The following CIDEB variants were observed in gnomAD, a reference collection of about 807,000 sequenced individuals.
The protein encoded by CIDEB is lipid transferase CIDEB.
Under a neutral mutation model 22.4 loss-of-function variants are expected in CIDEB, and 27 were observed. The observed-to-expected ratio is 1.21, with a 90% CI of 0.89 to 1.66. CIDEB has a LOEUF of 1.66. CIDEB is among the 40% of genes most tolerant of loss of function. CIDEB has a pLI of 0.00. For missense variants in CIDEB, 289 were observed against 268.7 expected (o/e 1.08, Z -0.53); for synonymous variants, 103 against 109.5 (o/e 0.94, Z 0.37).
upstream of CIDEB, chr14:24,308,028 G>A: frequency 1.5e-6 from 1 of 651,260 alleles, no homozygotes; most frequent in East Asian, 2.8e-5. Flanking sequence ...GAAGGGCAAA[G>A]TCCAAGGGGA....
chr14:24,307,243 G>T, intron 2 of CIDEB, 128 bp downstream of exon 2: 2 of 1,053,960 alleles, frequency 1.9e-6, no homozygotes, highest in Non-Finnish European at 2.8e-6. Flanking sequence ...CCACTCCGCT[G>T]CTTTTAGCCC....
At chr14:24,310,402 T>C (rs1252641367), upstream of CIDEB, 1 of 635,396 alleles carries the variant, frequency 1.6e-6, no homozygotes, top group Non-Finnish European at 2.8e-6. Flanking sequence ...TTTATGCCTG[T>C]TTACCACTGA....
intron 4 of CIDEB, 89 bp downstream of exon 4, chr14:24,305,858 C>T: frequency 6.3e-7 from 1 of 1,584,362 alleles, no homozygotes; most frequent in Non-Finnish European, 8.6e-7. Flanking sequence ...CAAGCAAGAG[C>T]TAACTAGGGG....
chr14:24,306,519 A>T lies in CIDEB; in HGVS notation c.191T>A (p.Leu64Ter). 6.2e-7 allele frequency: 1 copy of T among 1,614,192 alleles called. No individual in the cohort carries two copies. Among genetic ancestry groups the T allele is most frequent in the Non-Finnish European group, 8.5e-7 (1 of 1,180,028 alleles). Reference sequence around the variant, plus strand: ...CACTCCATTCAGCAGTAGGGTCTCCAATGCCTGCCCAATGGCAAGAAGCAA... The same window carrying T: ...CACTCCATTCAGCAGTAGGGTCTCCTATGCCTGCCCAATGGCAAGAAGCAA... ...ATRQELLAKA[L>*]ETLLLNGVLT... is the part of the protein sequence containing the mutation. Residue 64 changes from leucine (L) to a stop codon, truncating the protein, a stop_gained, in exon 3 of 5, where the codon TTG becomes TAG. Coordinates refer to ENST00000554411, the MANE Select transcript of CIDEB (RefSeq NM_001393339.1). LOFTEE classifies it high-confidence loss of function.
chr14:24,311,183 G>A (rs754503961), upstream of CIDEB: 2 of 1,607,438 alleles, frequency 1.2e-6, no homozygotes, highest in Non-Finnish European at 1.7e-6. Flanking sequence ...TGTGCCACCC[G>A]TCGCCGGTCC....
intron 1 of CIDEB, 59 bp from the exon 2 acceptor site, chr14:24,307,574 G>A: frequency 6.4e-7 from 1 of 1,574,048 alleles, no homozygotes; most frequent in African/African-American, 1.3e-5. Context: ...AGTGTAAAGG[G>A]CATGATGAGG....
At chr14:24,310,512 C>G (rs892830487), upstream of CIDEB, 6 of 838,772 alleles carry the variant, frequency 7.2e-6, no homozygotes, top group African/African-American at 3.4e-5. Flanking sequence ...TCTGGGTCCT[C>G]GTGGAAGTCA....
chr14:24,307,840 G>C lies in CIDEB; in HGVS notation c.19C>G (p.Leu7Val). Reference sequence around the variant, plus strand: ...CACCTGAGTAAGTCACTGGGGTTCAGAGCTGAGAGGTACTCCATGGTGGAC... The same window carrying C: ...CACCTGAGTAAGTCACTGGGGTTCACAGCTGAGAGGTACTCCATGGTGGAC... MEYLSA[L>V]NPSDLLRSVS... The change falls in exon 1 of 5, where the codon CTG becomes GTG. Residue 7 changes from leucine to valine, a missense_variant. Physicochemically the swap from Leu to Val is conservative, Grantham distance 32 (BLOSUM62 1). Coordinates refer to ENST00000554411, the MANE Select transcript of CIDEB (RefSeq NM_001393339.1). 6.3e-7 allele frequency: 1 copy of C among 1,595,266 alleles called. No individual in the cohort carries two copies. The highest frequency in any genetic ancestry group is 8.5e-7 in the Non-Finnish European group (1 of 1,170,570).
chr14:24,307,805 G>C lies in CIDEB; in HGVS notation c.41+13C>G. 6.3e-7 allele frequency: 1 copy of C among 1,591,094 alleles called. No individual in the cohort carries two copies. Among genetic ancestry groups the C allele is most frequent in the Non-Finnish European group, 8.6e-7 (1 of 1,168,018 alleles). ...CCTAAAGGTGGAGGGTAGAGCGGAG[G>C]GTTAGCAGTCACCTGAGTAAGTCAC... On this transcript the variant is annotated intron_variant, in intron 1 of 4. Coordinates refer to ENST00000554411, the MANE Select transcript of CIDEB (RefSeq NM_001393339.1).
At chr14:24,311,177 C>A (rs765948741), upstream of CIDEB, 5 of 1,606,474 alleles carry the variant, frequency 3.1e-6, no homozygotes, top group African/African-American at 5.4e-5. Flanking sequence ...GCCAGCTGTG[C>A]CACCCGTCGC....
At position 24,307,478 on chromosome 14, in the gene CIDEB, C is replaced by T. The variant is rs375310375; in HGVS notation, c.79G>A (p.Val27Ile). 3.7e-6 allele frequency: 6 copies of T among 1,613,954 alleles called. No homozygotes were observed. The African/African-American group carries it at 5.3e-5, about 14-fold the overall frequency. The stretch of plus-strand genomic sequence containing the variant: ...TGGGGTGGTGGAGCTGAGGTCCAGA[C>T]CCTCCGTCCAAACTCCGAGCTTATA... ...SNISSEFGRR[V>I]WTSAPPPQRP... The change falls in exon 2 of 5, where the codon GTC (valine) becomes ATC (isoleucine). Residue 27 changes from valine to isoleucine, a missense_variant. Physicochemically the swap from Val to Ile is conservative, Grantham distance 29. Coordinates refer to ENST00000554411, the MANE Select transcript of CIDEB (RefSeq NM_001393339.1).
chr14:24,306,601 T>C (rs2041516679), intron 2 of CIDEB, 78 bp from the exon 3 acceptor site: 1 of 1,590,776 alleles, frequency 6.3e-7, no homozygotes, highest in Non-Finnish European at 8.6e-7. Context: ...CATCCATCAG[T>C]TGGCTCTAGA....
rs950306794 is a variant in CIDEB, at chr14:24,305,678, C to T, written c.615G>A (p.Glu205=). 1.9e-6 allele frequency: 3 copies of T among 1,614,092 alleles called. No individual in the cohort carries two copies. Among genetic ancestry groups the T allele is most frequent in the Non-Finnish European group, 2.5e-6 (3 of 1,180,046 alleles). Reference sequence around the variant, plus strand: ...CCTTCTGCTGCCACTGCTCAGCCCCCTCCACTGCATGACGAAGGGTGGAGG... The same window carrying T: ...CCTTCTGCTGCCACTGCTCAGCCCCTTCCACTGCATGACGAAGGGTGGAGG... The part of the protein sequence containing the change: ...GISSTLRHAV[E]GAEQWQQKGR... The change falls in exon 5 of 5, where the codon GAG becomes GAA. Residue 205 remains glutamate (E), a synonymous_variant. Transcript: ENST00000554411.
upstream of CIDEB, chr14:24,311,241 C>A (rs552807473): frequency 4.4e-5 from 70 of 1,608,086 alleles, no homozygotes; most frequent in Non-Finnish European, 5.9e-5. Context: ...TTTCGTGCTT[C>A]CTTTCGGGCT....
At chr14:24,309,176 C>T (rs980172702), upstream of CIDEB, 5 of 152,272 alleles carry the variant, frequency 3.3e-5, no homozygotes, top group African/African-American at 1.2e-4. Context: ...CAGAGGTTCC[C>T]AAGGCCTACT....
upstream of CIDEB, chr14:24,310,879 T>A: frequency 6.3e-7 from 1 of 1,592,880 alleles, no homozygotes; most frequent in Non-Finnish European, 8.5e-7. Context: ...GGCGCGGTGC[T>A]GCTGCTCACG....
Position 24,306,538 on chromosome 14 carries a change from G to A in CIDEB, c.187-15C>T, listed in dbSNP as rs762240094. 1 of 1,614,218 alleles carries A rather than the reference G, an allele frequency of 6.2e-7. No homozygotes were observed. Among genetic ancestry groups the A allele is most frequent in the Non-Finnish European group, 8.5e-7 (1 of 1,180,026 alleles). ...GTCTCCAATGCCTGCCCAATGGCAA[G>A]AAGCAAGAAGGGCAGGTCTTATCCC... On this transcript the variant is annotated splice_polypyrimidine_tract_variant and intron_variant, in intron 2 of 4. Transcript: ENST00000554411.
At position 24,307,829 on chromosome 14, in the gene CIDEB, A is replaced by C. The variant is rs766438053; in HGVS notation, c.30T>G (p.Ser10Arg). Reference protein sequence around the residue: MEYLSALNPSDLLRSVSNIS... With the variant: MEYLSALNPRDLLRSVSNIS... The stretch of plus-strand genomic sequence containing the variant: ...GGGTTAGCAGTCACCTGAGTAAGTC[A>C]CTGGGGTTCAGAGCTGAGAGGTACT... The change falls in exon 1 of 5, where the codon AGT (serine) becomes AGG (arginine). Residue 10 changes from serine (S) to arginine (R), a missense_variant. Physicochemically the swap from Ser to Arg is moderately radical, Grantham distance 110. Transcript: ENST00000554411. 1.9e-6 allele frequency: 3 copies of C among 1,595,718 alleles called. No homozygotes were observed. The highest frequency in any genetic ancestry group is 2.6e-6 in the Non-Finnish European group (3 of 1,170,824).
chr14:24,306,531 A>G lies in CIDEB; in HGVS notation c.187-8T>C, dbSNP rs776945711. The G allele has an allele frequency of 5.0e-6, 8 of 1,614,256 alleles. No homozygotes were observed. In the East Asian group the frequency reaches 8.9e-5, roughly 18 times the overall value. ...CAGTAGGGTCTCCAATGCCTGCCCA[A>G]TGGCAAGAAGCAAGAAGGGCAGGTC... On this transcript the variant is annotated splice_polypyrimidine_tract_variant and splice_region_variant and intron_variant, in intron 2 of 4. Coordinates refer to ENST00000554411, the MANE Select transcript of CIDEB (RefSeq NM_001393339.1).
Sources: gnomAD v4.1 joint callset for allele counts on GRCh38, gnomAD v4.1.1 for gene constraint, MANE v1.5 for transcripts, NCBI Gene and HGNC (gene_info 2026-07-23, HGNC 2026-07-21) for gene names.